Variants in PTCSC3 observed in about 807,000 individuals in gnomAD.
PTCSC3 encodes papillary thyroid carcinoma susceptibility candidate 3 (non-protein coding).
chr14:36,149,574 T>A (rs1881676647), intron 3 of PTCSC3, among the ~76,000 whole-genome samples: 1 of 152,230 alleles, frequency 6.6e-6, no homozygotes, highest in Non-Finnish European at 1.5e-5. Context: ...ACAGATAAAA[T>A]CTCCAACTAT....
intron 3 of PTCSC3, among the ~76,000 whole-genome samples, chr14:36,150,878 T>C (rs1881705710): frequency 6.6e-6 from 1 of 152,210 alleles, no homozygotes; most frequent in Admixed American, 6.5e-5. Flanking sequence ...ATATATGTTG[T>C]TGATATTATT....
chr14:36,139,447 C>T (rs950451046), intron 3 of PTCSC3, among the ~76,000 whole-genome samples: 3 of 152,106 alleles, frequency 2.0e-5, no homozygotes, highest in Admixed American at 2.0e-4. Flanking sequence ...TTTTAAAATA[C>T]ATACAGAATC....
At chr14:36,152,737 T>TAA (rs201524808) in intron 3 of PTCSC3, among the ~76,000 whole-genome samples, 5 of 150,582 alleles carry the variant, frequency 3.3e-5, no homozygotes, top group Non-Finnish European at 7.4e-5. Flanking sequence ...CTACTAAAAA[T>TAA]AAAAAAAATA....
chr14:36,167,290 T>A (rs1882108268), intron 1 of PTCSC3, among the ~76,000 whole-genome samples: 1 of 152,184 alleles, frequency 6.6e-6, no homozygotes, highest in Non-Finnish European at 1.5e-5. Flanking sequence ...GCTGGCCCAT[T>A]TCCTCTGTTA....
chr14:36,145,314 A>G (rs1264290017), intron 3 of PTCSC3, among the ~76,000 whole-genome samples: 1 of 151,528 alleles, frequency 6.6e-6, no homozygotes, highest in East Asian at 1.9e-4. Context: ...TTGGTAAGAT[A>G]TTGATTATTG....
intron 1 of PTCSC3, among the ~76,000 whole-genome samples, chr14:36,165,899 G>A (rs995009440): frequency 4.6e-5 from 7 of 151,926 alleles, no homozygotes; most frequent in Admixed American, 1.3e-4. Context: ...CTTGCTTAGC[G>A]GTTTTGTGAT....
chr14:36,170,545 A>G (rs1238524268), intron 1 of PTCSC3, among the ~76,000 whole-genome samples: 1 of 152,150 alleles, frequency 6.6e-6, no homozygotes, highest in African/African-American at 2.4e-5. Flanking sequence ...TTAGTATTCT[A>G]TTCAGCATTG....
chr14:36,154,366 C>T (rs537754791), intron 2 of PTCSC3, among the ~76,000 whole-genome samples: 46 of 152,104 alleles, frequency 3.0e-4, no homozygotes, highest in African/African-American at 8.7e-4. Context: ...TATAATAATA[C>T]GTACCCTCCA....
chr14:36,140,141 CTG>C (rs1881386775), intron 3 of PTCSC3, among the ~76,000 whole-genome samples: 1 of 152,192 alleles, frequency 6.6e-6, no homozygotes, highest in African/African-American at 2.4e-5. Flanking sequence ...TTTGTTTCCT[CTG>C]TATCTTTTAA....
rs952121085 is a variant in PTCSC3, at chr14:36,166,666, C to T, written n.172-3983G>A. 1.4e-4 allele frequency among the ~76,000 whole-genome samples: 22 copies of T among 151,980 alleles called. 1 individual carries two copies. The highest frequency in any genetic ancestry group is 4.8e-4 in the African/African-American group (20 of 41,374). On this transcript the variant is annotated intron_variant and non_coding_transcript_variant, in intron 1 of 3. Coordinates refer to ENST00000556013, the Ensembl canonical transcript of PTCSC3. ...TCTCTGTGGTTGCTAGGGAATGTACCTTTATCTTTGGTTTTAACAGTCATA... is the reference window on the plus strand; with the variant it reads ...TCTCTGTGGTTGCTAGGGAATGTACTTTTATCTTTGGTTTTAACAGTCATA...
At chr14:36,160,891 G>A (rs1881940685) in intron 2 of PTCSC3, among the ~76,000 whole-genome samples, 1 of 151,856 alleles carries the variant, frequency 6.6e-6, no homozygotes, top group South Asian at 2.1e-4. Context: ...TTTTCATATA[G>A]TCCCATATTT....
Position 36,169,250 on chromosome 14 carries a change from C to T in PTCSC3, n.172-6567G>A, listed in dbSNP as rs139231546. On this transcript the variant is annotated intron_variant and non_coding_transcript_variant, in intron 1 of 3. Transcript: ENST00000556013. ...ATTTTTAAATCTATGGAAAATGTGT[C>T]CTAAATATATAATTGTAATATTAAG... Among the ~76,000 whole-genome samples, 264 of 151,958 alleles carry T rather than the reference C, an allele frequency of 1.7e-3. 1 individual carries two copies. The highest frequency in any genetic ancestry group is 6.1e-3 in the African/African-American group (254 of 41,444).
At position 36,148,141 on chromosome 14, in the gene PTCSC3, A is replaced by G. The variant is rs375906257; in HGVS notation, n.322+5663T>C. 8.2e-3 allele frequency among the ~76,000 whole-genome samples: 1,221 copies of G among 149,680 alleles called. 17 individuals carry two copies. The highest frequency in any genetic ancestry group is 0.027 in the African/African-American group (1,067 of 39,190). On this transcript the variant is annotated intron_variant and non_coding_transcript_variant, in intron 3 of 3. Transcript: ENST00000556013. Reference sequence around the variant, plus strand: ...GTTTGTCTGTGCCCTGCCCCCAGAGATGGAGCCTACAGAGGCAGGCAGGCC... The same window carrying G: ...GTTTGTCTGTGCCCTGCCCCCAGAGGTGGAGCCTACAGAGGCAGGCAGGCC...
At chr14:36,169,607 A>T (rs1472532913) in intron 1 of PTCSC3, among the ~76,000 whole-genome samples, 4 of 152,126 alleles carry the variant, frequency 2.6e-5, no homozygotes, top group Non-Finnish European at 5.9e-5. Flanking sequence ...CAGTTAATTT[A>T]TGTGTTGCAA....
At chr14:36,176,410 C>A (rs964625852) in exon 1 of PTCSC3, 1 of 151,802 alleles carries the variant, frequency 6.6e-6, no homozygotes, top group African/African-American at 2.4e-5. Flanking sequence ...CACTCACAGG[C>A]AGAGTAGAAA....
intron 3 of PTCSC3, among the ~76,000 whole-genome samples, chr14:36,138,069 G>A (rs563349331): frequency 6.6e-6 from 1 of 152,286 alleles, no homozygotes; most frequent in African/African-American, 2.4e-5. Flanking sequence ...AATGGTAAAG[G>A]AGAGAACAGG....
chr14:36,152,925 AAAAG>A (rs1186024179), intron 3 of PTCSC3, among the ~76,000 whole-genome samples: 13 of 152,194 alleles, frequency 8.5e-5, no homozygotes, highest in Admixed American at 8.5e-4. Flanking sequence ...GAAAGAAAGA[AAAAG>A]AAAAAAGACA....
chr14:36,159,370 T>C (rs1881902682), intron 2 of PTCSC3, among the ~76,000 whole-genome samples: 2 of 152,226 alleles, frequency 1.3e-5, no homozygotes, highest in Non-Finnish European at 2.9e-5. Context: ...TCCTGCTTTC[T>C]CTTGTGGGCA....
intron 1 of PTCSC3, chr14:36,164,040 C>G (rs1414904734): frequency 6.6e-6 from 1 of 152,126 alleles, no homozygotes; most frequent in Non-Finnish European, 1.5e-5. Flanking sequence ...AGCAGAATTA[C>G]AACATTTGGA....
Sources: gnomAD v4.1 joint callset for allele counts (sites outside exome capture counted in the v4.1 genomes callset) on GRCh38, gnomAD v4.1.1 for gene constraint, MANE v1.5 for transcripts, NCBI Gene and HGNC (gene_info 2026-07-23, HGNC 2026-07-21) for gene names.